The following SYNE2 variants were observed in gnomAD, a reference collection of about 807,000 sequenced individuals.
The protein encoded by SYNE2 is spectrin repeat containing nuclear envelope protein 2, also known as nesprin-2.
SYNE2 carries 431 observed loss-of-function variants against 856.3 expected under a neutral mutation model. The observed-to-expected ratio is 0.50, with a 90% CI of 0.47 to 0.55. The LOEUF (loss-of-function observed/expected upper bound fraction) is 0.55, where lower values mean the gene tolerates loss of function less well. Among genes scored for constraint, SYNE2 ranks in the 20% least tolerant of loss-of-function variants. SYNE2 has a pLI of 0.00. For missense variants in SYNE2, 8,129 were observed against 8,023.2 expected, an observed-to-expected ratio of 1.01 and a Z score of -0.50; for synonymous variants, 2,923 against 2,872.3, an observed-to-expected ratio of 1.02 and a Z score of -0.56.
chr14:64,162,366 A>G, intron 88 of SYNE2, 90 bp downstream of exon 88: 1 of 1,325,514 alleles, frequency 7.5e-7, no homozygotes, highest in Non-Finnish European at 1.1e-6. Flanking sequence ...CAGACAGACC[A>G]CAGGGACAGA....
intron 58 of SYNE2, 90 bp downstream of exon 58, chr14:64,087,946 G>A: frequency 1.4e-6 from 2 of 1,406,100 alleles, no homozygotes; most frequent in South Asian, 2.4e-5. Flanking sequence ...ACTTTGGGAG[G>A]CCAAGGCGGG....
chr14:63,971,715 C>G (rs1034639842), intron 11 of SYNE2, among the ~76,000 whole-genome samples: 12 of 151,778 alleles, frequency 7.9e-5, no homozygotes, highest in African/African-American at 2.9e-4. Flanking sequence ...GAGCTCAGTT[C>G]CCTTCAGCCT....
At chr14:64,115,697 T>C (rs2097848866) in intron 66 of SYNE2, among the ~76,000 whole-genome samples, 1 of 152,214 alleles carries the variant, frequency 6.6e-6, no homozygotes, top group African/African-American at 2.4e-5. Flanking sequence ...TGACCTGCTT[T>C]GAAGAAAAAC....
intron 45 of SYNE2, among the ~76,000 whole-genome samples, chr14:64,036,426 CAGGTG>C (rs1394692298): frequency 6.6e-6 from 1 of 152,132 alleles, no homozygotes; most frequent in African/African-American, 2.4e-5. Flanking sequence ...GCTGGGATCA[CAGGTG>C]TGCACCACCA....
At chr14:63,939,292 G>A (rs1379221724) in intron 2 of SYNE2, among the ~76,000 whole-genome samples, 1 of 152,048 alleles carries the variant, frequency 6.6e-6, no homozygotes, top group East Asian at 1.9e-4. Flanking sequence ...GGCAAGAAGG[G>A]CTGTACTCTG....
intron 1 of SYNE2, among the ~76,000 whole-genome samples, chr14:63,820,562 A>G (rs1325450351): frequency 2.6e-5 from 4 of 152,216 alleles, no homozygotes; most frequent in Non-Finnish European, 5.9e-5. Context: ...CAAAAAATTT[A>G]GAACTCTTTC....
chr14:64,037,438 A>G (rs1485137447), intron 45 of SYNE2, among the ~76,000 whole-genome samples: 1 of 152,016 alleles, frequency 6.6e-6, no homozygotes, highest in Admixed American at 6.6e-5. Flanking sequence ...CAGAGAGCAC[A>G]GGGTTGGGGG....
At chr14:64,222,295 C>G (rs1172134304) in intron 112 of SYNE2, among the ~76,000 whole-genome samples, 1 of 152,222 alleles carries the variant, frequency 6.6e-6, no homozygotes, top group African/African-American at 2.4e-5. Context: ...GCAGTGGCGT[C>G]CAGTAGAACT....
chr14:63,995,561 G>C (rs1387352824), intron 23 of SYNE2, among the ~76,000 whole-genome samples: 1 of 152,030 alleles, frequency 6.6e-6, no homozygotes, highest in East Asian at 1.9e-4. Flanking sequence ...AGCAAATCAG[G>C]GTACAAAGCA....
intron 96 of SYNE2, among the ~76,000 whole-genome samples, chr14:64,185,220 C>A (rs981955871): frequency 6.6e-6 from 1 of 152,112 alleles, no homozygotes; most frequent in African/African-American, 2.4e-5. Flanking sequence ...CATGATCATG[C>A]CACTGTAGTC....
At chr14:64,034,618 G>T in intron 45 of SYNE2, 1 of 498,386 alleles carries the variant, frequency 2.0e-6, no homozygotes, top group Admixed American at 3.4e-5. Flanking sequence ...TGGACCTTTG[G>T]TTGACCTTTT....
intron 66 of SYNE2, among the ~76,000 whole-genome samples, chr14:64,117,435 G>A (rs1022117801): frequency 8.5e-5 from 13 of 152,072 alleles, no homozygotes; most frequent in Admixed American, 7.9e-4. Flanking sequence ...GAATAGCTGG[G>A]ACTACAGGCG....
chr14:64,142,281 C>T (rs981940397), intron 82 of SYNE2, among the ~76,000 whole-genome samples, 193 bp downstream of exon 82: 1 of 152,034 alleles, frequency 6.6e-6, no homozygotes, highest in Non-Finnish European at 1.5e-5. Flanking sequence ...CTTTTGCCAG[C>T]CCCCATCACC....
intron 2 of SYNE2, among the ~76,000 whole-genome samples, chr14:63,920,311 A>C (rs1311659626): frequency 6.6e-6 from 1 of 151,886 alleles, no homozygotes; most frequent in Non-Finnish European, 1.5e-5. Flanking sequence ...AAGGCTCCCC[A>C]GAGAAAATGA....
rs1216307405 is a variant in SYNE2 at position 64,101,924 on chromosome 14, T to C, written c.12382-8T>C. On this transcript the variant is annotated splice_region_variant and splice_polypyrimidine_tract_variant and intron_variant, in intron 63 of 115. Coordinates refer to ENST00000555002, the MANE Select transcript of SYNE2 (RefSeq NM_182914.3). ...TTCCCTTTGCTAACCAATCGTTTAC[T>C]GTGATAGAATGGAGATGAGAAGGCA... 5 of 1,606,476 alleles carry C rather than the reference T, an allele frequency of 3.1e-6. No individual in the cohort carries two copies. Among genetic ancestry groups the C allele is most frequent in the South Asian group, 2.2e-5 (2 of 90,936 alleles).
intron 112 of SYNE2, 39 bp downstream of exon 112, chr14:64,221,743 T>C: frequency 6.2e-7 from 1 of 1,611,560 alleles, no homozygotes; most frequent in Non-Finnish European, 8.5e-7. Flanking sequence ...GCCACCAGCC[T>C]CTGTCAGCCC....
At position 64,021,839 on chromosome 14, in the gene SYNE2, G is replaced by A. The variant is rs770065372; in HGVS notation, c.5353-18G>A. On this transcript the variant is annotated intron_variant, in intron 36 of 115. Coordinates refer to ENST00000555002, the MANE Select transcript of SYNE2 (RefSeq NM_182914.3). ...CCTGTTTTAAGATTTAATGGTTGTT[G>A]TTTGTTTATGCATTTAGGAGATACA... 3.1e-5 allele frequency: 50 copies of A among 1,613,132 alleles called. No homozygotes were observed. Among genetic ancestry groups the A allele is most frequent in the Non-Finnish European group, 4.2e-5 (49 of 1,179,386 alleles).
chr14:63,920,406 AGCTGAAT>A (rs1258592798), intron 2 of SYNE2, among the ~76,000 whole-genome samples: 1 of 151,720 alleles, frequency 6.6e-6, no homozygotes, highest in Admixed American at 6.6e-5. Context: ...CCAGAAGATG[AGCTGAAT>A]GTGGTACATT....
At chr14:64,137,698 C>A in intron 78 of SYNE2, 89 bp from the exon 79 acceptor site, 3 of 1,366,546 alleles carry the variant, frequency 2.2e-6, no homozygotes, top group Non-Finnish European at 3.1e-6. Flanking sequence ...TCAGTGGACA[C>A]AAATGTCAGT....
Sources: gnomAD v4.1 joint callset for allele counts (sites outside exome capture counted in the v4.1 genomes callset) on GRCh38, gnomAD v4.1.1 for gene constraint, MANE v1.5 for transcripts, NCBI Gene and HGNC (gene_info 2026-07-23, HGNC 2026-07-21) for gene names.